Variants in MACROD2 observed in about 807,000 individuals in gnomAD.
The protein encoded by MACROD2 is ADP-ribose glycohydrolase MACROD2.
A neutral mutation model predicts 70.4 loss-of-function variants in MACROD2; 36 were observed. That is an observed-to-expected ratio of 0.51 (90% CI 0.39 to 0.68). The LOEUF (loss-of-function observed/expected upper bound fraction) is 0.68, where lower values mean the gene tolerates loss of function less well. Among genes scored for constraint, MACROD2 ranks in the 30% least tolerant of loss-of-function variants. The pLI, the probability that MACROD2 is intolerant of heterozygous loss-of-function variation, is 0.00. For missense variants in MACROD2, 496 were observed against 538.4 expected, an observed-to-expected ratio of 0.92 and a Z score of 0.78; for synonymous variants, 172 against 178.8, an observed-to-expected ratio of 0.96 and a Z score of 0.30.
At chr20:15,701,943 G>A (rs2050466505) in intron 8 of MACROD2, among the ~76,000 whole-genome samples, 1 of 152,122 alleles carries the variant, frequency 6.6e-6, no homozygotes, top group African/African-American at 2.4e-5. Flanking sequence ...ACATTAATTT[G>A]CTTATGATAA....
intron 8 of MACROD2, among the ~76,000 whole-genome samples, chr20:15,649,131 C>G (rs1005475696): frequency 7.9e-6 from 1 of 126,478 alleles, no homozygotes; most frequent in African/African-American, 2.9e-5. Context: ...CCCTCCCTTC[C>G]CTTCCCTTCC....
At chr20:14,110,184 C>T (rs1315855258) in intron 3 of MACROD2, among the ~76,000 whole-genome samples, 1 of 151,580 alleles carries the variant, frequency 6.6e-6, no homozygotes, top group Non-Finnish European at 1.5e-5. Flanking sequence ...TATTCCTTCA[C>T]GTTTGTAAAA....
intron 4 of MACROD2, among the ~76,000 whole-genome samples, chr20:14,573,578 A>T (rs78129117): frequency 0.11 from 15,877 of 150,506 alleles, 1,232 homozygotes; most frequent in South Asian, 0.33. Flanking sequence ...AAAAGATATT[A>T]TTTTTTTTTT....
chr20:15,844,358 T>C (rs1179570500), intron 8 of MACROD2, among the ~76,000 whole-genome samples: 5 of 152,096 alleles, frequency 3.3e-5, no homozygotes, highest in Non-Finnish European at 7.4e-5. Flanking sequence ...CTATCAAACA[T>C]CCTTTCTTCC....
At chr20:14,787,052 A>G (rs1042792553) in intron 5 of MACROD2, among the ~76,000 whole-genome samples, 28 of 152,124 alleles carry the variant, frequency 1.8e-4, no homozygotes, top group Admixed American at 3.3e-4. Context: ...TTCACCAGCC[A>G]TAAGCTATAC....
At chr20:16,011,666 G>T (rs768107673) in intron 15 of MACROD2, among the ~76,000 whole-genome samples, 4 of 152,228 alleles carry the variant, frequency 2.6e-5, no homozygotes, top group African/African-American at 9.6e-5. Context: ...CTTGTGAGGT[G>T]TGCAGTGTAG....
intron 5 of MACROD2, among the ~76,000 whole-genome samples, chr20:14,872,507 T>C (rs547818871): frequency 2.0e-5 from 3 of 152,150 alleles, no homozygotes; most frequent in African/African-American, 7.2e-5. Context: ...AATCAGAGAG[T>C]CATCATTCAC....
At chr20:14,966,777 A>C (rs1479755454) in intron 5 of MACROD2, among the ~76,000 whole-genome samples, 1 of 151,676 alleles carries the variant, frequency 6.6e-6, no homozygotes, top group Non-Finnish European at 1.5e-5. Context: ...ATATACAAAC[A>C]ATTCATTTTT....
intron 5 of MACROD2, among the ~76,000 whole-genome samples, chr20:15,007,645 G>A (rs765857804): frequency 2.0e-5 from 3 of 152,284 alleles, no homozygotes; most frequent in Middle Eastern, 3.4e-3. Context: ...TTTTAAAAAG[G>A]GCAGGAGGAT....
At chr20:14,497,040 T>G (rs2084860840) in intron 4 of MACROD2, among the ~76,000 whole-genome samples, 1 of 151,718 alleles carries the variant, frequency 6.6e-6, no homozygotes, top group Non-Finnish European at 1.5e-5. Flanking sequence ...CCTGGCACTG[T>G]GGTTTTTAAC....
rs187806603 is a variant in MACROD2 at position 15,111,868 on chromosome 20, A to C, written c.419-118072A>C. Among the ~76,000 whole-genome samples, 516 of 152,340 alleles carry C rather than the reference A, an allele frequency of 3.4e-3. 11 individuals are homozygous for C. The highest frequency in any genetic ancestry group is 0.012 in the African/African-American group (495 of 41,588). Reference sequence around the variant, plus strand: ...AGCTCTGGCAAGTCTTTGAACTGTCAGATGCCAGGTGCTGTTAGGGCACCT... The same window carrying C: ...AGCTCTGGCAAGTCTTTGAACTGTCCGATGCCAGGTGCTGTTAGGGCACCT... On this transcript the variant is annotated intron_variant, in intron 5 of 17. Transcript: ENST00000684519.
chr20:15,679,418 C>CT (rs1486204320), intron 8 of MACROD2, among the ~76,000 whole-genome samples: 1 of 152,082 alleles, frequency 6.6e-6, no homozygotes, highest in African/African-American at 2.4e-5. Context: ...ACTCCCTTGC[C>CT]TTTACTGTGG....
intron 5 of MACROD2, among the ~76,000 whole-genome samples, chr20:14,717,848 G>T (rs1031411758): frequency 6.6e-6 from 1 of 152,102 alleles, no homozygotes; most frequent in Non-Finnish European, 1.5e-5. Flanking sequence ...TGTGGACTTA[G>T]CAAAAGCTAG....
At chr20:15,055,011 G>T (rs146053469) in intron 5 of MACROD2, among the ~76,000 whole-genome samples, 8 of 145,366 alleles carry the variant, frequency 5.5e-5, no homozygotes, top group African/African-American at 2.1e-4. Context: ...GTGCAATGGT[G>T]TGATCTTGGC....
chr20:14,868,188 C>CTT (rs202237692), intron 5 of MACROD2, among the ~76,000 whole-genome samples: 7 of 144,014 alleles, frequency 4.9e-5, no homozygotes, highest in African/African-American at 1.3e-4. Context: ...TTTTTTCTTT[C>CTT]TTTCTTTTTT....
chr20:15,474,462 A>T (rs879760915), intron 7 of MACROD2, among the ~76,000 whole-genome samples: 8 of 152,192 alleles, frequency 5.3e-5, no homozygotes, highest in Non-Finnish European at 1.0e-4. Context: ...TCTACAGTGG[A>T]GATCTTCTCT....
chr20:14,435,975 G>A (rs2084051887), intron 3 of MACROD2, among the ~76,000 whole-genome samples: 1 of 152,082 alleles, frequency 6.6e-6, no homozygotes, highest in South Asian at 2.1e-4. Flanking sequence ...CCAAAGTGTT[G>A]GGATTACAGG....
intron 3 of MACROD2, among the ~76,000 whole-genome samples, chr20:14,485,199 A>G (rs1435608118): frequency 6.6e-6 from 1 of 152,172 alleles, no homozygotes; most frequent in African/African-American, 2.4e-5. Context: ...AATTTTTACT[A>G]GAACATTATC....
chr20:14,021,787 T>C (rs1376363041), intron 2 of MACROD2, among the ~76,000 whole-genome samples: 1 of 152,158 alleles, frequency 6.6e-6, no homozygotes, highest in Admixed American at 6.5e-5. Flanking sequence ...TATACATGAT[T>C]AGTATCAGTG....
Sources: gnomAD v4.1 joint callset for allele counts (sites outside exome capture counted in the v4.1 genomes callset) on GRCh38, gnomAD v4.1.1 for gene constraint, MANE v1.5 for transcripts, NCBI Gene and HGNC (gene_info 2026-07-23, HGNC 2026-07-21) for gene names.